The following OR1L6 variants were observed in gnomAD, a reference collection of about 807,000 sequenced individuals.
The protein encoded by OR1L6 is olfactory receptor 1L6.
In OR1L6, 2 loss-of-function variants were observed where a neutral mutation model predicts 3.0. The observed-to-expected ratio is 0.68, with a 90% CI of 0.28 to 2.13. The LOEUF (loss-of-function observed/expected upper bound fraction) is 2.13, where lower values mean the gene tolerates loss of function less well. OR1L6 is among the 30% of genes most tolerant of loss of function. The pLI, the probability that OR1L6 is intolerant of heterozygous loss-of-function variation, is 0.14. For missense variants in OR1L6, 304 were observed against 378.4 expected, an observed-to-expected ratio of 0.80 and a Z score of 1.63; for synonymous variants, 121 against 148.4, an observed-to-expected ratio of 0.82 and a Z score of 1.34.
At chr9:122,747,742 A>G (rs1828850262) in intron 1 of OR1L6, among the ~76,000 whole-genome samples, 1 of 151,976 alleles carries the variant, frequency 6.6e-6, no homozygotes, top group Non-Finnish European at 1.5e-5. Context: ...ATTTAATTTT[A>G]TCTGGTTAGT....
rs773521877 is a variant in OR1L6 at position 122,750,435 on chromosome 9, C to T, written c.588C>T (p.Ser196=). 51 of 1,595,884 alleles carry T rather than the reference C, an allele frequency of 3.2e-5. No homozygotes were observed. Among genetic ancestry groups the T allele is most frequent in the Non-Finnish European group, 4.3e-5 (50 of 1,168,552 alleles). Residue 196 remains serine, a synonymous_variant, in exon 2 of 2, where the codon AGC becomes AGT. Coordinates refer to ENST00000304720, the MANE Select transcript of OR1L6 (RefSeq NM_001004453.3). Reference sequence around the variant, plus strand: ...TCTCCTGCTCTGACACATCCTCCAGCCAGATGGTGGTGATGACTGAGACCT... The same window carrying T: ...TCTCCTGCTCTGACACATCCTCCAGTCAGATGGTGGTGATGACTGAGACCT... The part of the protein sequence containing the change: ...LKLSCSDTSS[S]QMVVMTETLA...
chr9:122,747,102 T>G (rs1056450544), intron 1 of OR1L6, among the ~76,000 whole-genome samples: 1 of 152,146 alleles, frequency 6.6e-6, no homozygotes, highest in African/African-American at 2.4e-5. Flanking sequence ...TTTCTATGTG[T>G]GGGTTAGATA....
intron 1 of OR1L6, among the ~76,000 whole-genome samples, chr9:122,747,455 T>C (rs1189702538): frequency 2.0e-5 from 3 of 152,050 alleles, no homozygotes; most frequent in African/African-American, 7.2e-5. Flanking sequence ...TTAGAAAAAC[T>C]TTCACAAGTT....
At chr9:122,744,280 A>G (rs949762470) in intron 1 of OR1L6, among the ~76,000 whole-genome samples, 15 of 152,106 alleles carry the variant, frequency 9.9e-5, no homozygotes, top group African/African-American at 3.6e-4. Flanking sequence ...CAGCATCCCA[A>G]TTTGGGAAGT....
chr9:122,745,778 AC>A (rs1456894531), intron 1 of OR1L6, among the ~76,000 whole-genome samples: 1 of 152,142 alleles, frequency 6.6e-6, no homozygotes, highest in Non-Finnish European at 1.5e-5. Flanking sequence ...TCAGAAGGTA[AC>A]CACATTACAC....
intron 1 of OR1L6, among the ~76,000 whole-genome samples, chr9:122,749,456 C>T (rs1435205198): frequency 2.6e-5 from 4 of 152,148 alleles, no homozygotes; most frequent in Non-Finnish European, 4.4e-5. Flanking sequence ...TAACTGTTCC[C>T]TTGTTGGATT....
In OR1L6 at chr9:122,750,493, A is replaced by G. The variant is rs756796917; in HGVS notation, c.646A>G (p.Ile216Val). The change falls in exon 2 of 2, where the codon ATC (isoleucine) becomes GTC (valine). Residue 216 changes from isoleucine (I) to valine (V), a missense_variant. Around this residue, in one of 3 missense-constraint regions of OR1L6, gnomAD observed 21 missense variants for 47.9 expected, o/e 0.44. Transcript: ENST00000304720. ...AVIVTPFLCI[I>V]FSYLRIMVTV... ...CATTGTGACCCCCTTCCTGTGTATC[A>G]TCTTCTCCTACCTGCGAATCATGGT... The G allele has an allele frequency of 1.1e-6, 1 of 890,236 alleles. No individual in the cohort carries two copies. The highest frequency in any genetic ancestry group is 2.5e-5 in the East Asian group (1 of 40,442). The allele number at this position is 890,236 out of a possible 1,614,324, so 55.1% of individuals were successfully genotyped here.
At chr9:122,746,015 C>T (rs1828833393) in intron 1 of OR1L6, among the ~76,000 whole-genome samples, 1 of 152,142 alleles carries the variant, frequency 6.6e-6, no homozygotes, top group African/African-American at 2.4e-5. Context: ...AATGCTCTCC[C>T]TCCCCTTGCC....
chr9:122,748,742 T>C (rs574097881), intron 1 of OR1L6, among the ~76,000 whole-genome samples: 3 of 152,338 alleles, frequency 2.0e-5, no homozygotes, highest in African/African-American at 7.2e-5. Context: ...AATGATCCTA[T>C]GTATATATTT....
Position 122,750,703 on chromosome 9 carries a change from C to T in OR1L6, c.856C>T (p.Leu286=). 1 of 1,613,734 alleles carries T rather than the reference C, an allele frequency of 6.2e-7. No individual in the cohort carries two copies. The highest frequency in any genetic ancestry group is 1.1e-5 in the South Asian group (1 of 91,064). The part of the protein sequence containing the change: ...TVMYTVVTPM[L]NPFIYSLRNK... ...TATGTACACAGTAGTGACACCCATG[C>T]TGAACCCTTTCATCTACAGCCTGAG... The change falls in exon 2 of 2, where the codon CTG becomes TTG. Residue 286 remains leucine, a synonymous_variant. Coordinates refer to ENST00000304720, the MANE Select transcript of OR1L6 (RefSeq NM_001004453.3).
intron 1 of OR1L6, among the ~76,000 whole-genome samples, chr9:122,743,352 G>C (rs1295938351): frequency 6.6e-6 from 1 of 152,178 alleles, no homozygotes; most frequent in Non-Finnish European, 1.5e-5. Context: ...ACAGTGCCCA[G>C]AAGAACTTTC....
chr9:122,743,604 A>G (rs1828808927), intron 1 of OR1L6, among the ~76,000 whole-genome samples: 1 of 152,196 alleles, frequency 6.6e-6, no homozygotes, highest in African/African-American at 2.4e-5. Context: ...GTAAGCAAGA[A>G]GAGGCTGGAA....
At chr9:122,749,770 A>T in intron 1 of OR1L6, 65 bp from the exon 2 acceptor site, 1 of 1,415,798 alleles carries the variant, frequency 7.1e-7, no homozygotes, top group Non-Finnish European at 1.0e-6. Context: ...TAAGCTTATG[A>T]AAGAAGCTGT....
Position 122,746,914 on chromosome 9 carries a change from G to A in OR1L6, c.-13-2921G>A, listed in dbSNP as rs1011010792. Among the ~76,000 whole-genome samples the A allele has an allele frequency of 2.6e-5, 4 of 151,986 alleles. No homozygotes were observed. In the South Asian group the frequency reaches 6.2e-4, roughly 24 times the overall value. On this transcript the variant is annotated intron_variant, in intron 1 of 1. Transcript: ENST00000304720. ...TTTAGCTTTGCCTATGATCTCTTTTGGTATAATTTTCAAATTTTTAAGTGG... is the reference window on the plus strand; with the variant it reads ...TTTAGCTTTGCCTATGATCTCTTTTAGTATAATTTTCAAATTTTTAAGTGG...
Position 122,750,128 on chromosome 9 carries a change from C to T in OR1L6, c.281C>T (p.Ser94Phe), listed in dbSNP as rs749316620. 1.4e-5 allele frequency: 22 copies of T among 1,613,648 alleles called. 1 individual carries two copies. The highest frequency in any genetic ancestry group is 1.6e-5 in the Non-Finnish European group (19 of 1,179,652). Residue 94 changes from serine to phenylalanine, a missense_variant, in exon 2 of 2, where the codon TCC becomes TTC. Physicochemically the swap from Ser to Phe is radical, Grantham distance 155. Transcript: ENST00000304720. ...VNFLSETKVI[S>F]YVGCLAQMYF... ...TTTCTATCAGAGACAAAGGTTATCTCCTATGTGGGCTGCCTGGCCCAGATG... is the reference window on the plus strand; with the variant it reads ...TTTCTATCAGAGACAAAGGTTATCTTCTATGTGGGCTGCCTGGCCCAGATG...
chr9:122,748,510 A>G (rs919944149), intron 1 of OR1L6, among the ~76,000 whole-genome samples: 7 of 152,212 alleles, frequency 4.6e-5, no homozygotes, highest in African/African-American at 1.7e-4. Flanking sequence ...AGTTCCGAAG[A>G]ACACATGGAA....
intron 1 of OR1L6, among the ~76,000 whole-genome samples, chr9:122,748,575 C>T (rs1057479562): frequency 2.0e-5 from 3 of 152,158 alleles, no homozygotes; most frequent in African/African-American, 7.2e-5. Flanking sequence ...AGTTTTGTTA[C>T]ATGAATACAT....
Position 122,750,131 on chromosome 9 carries a change from A to C in OR1L6, c.284A>C (p.Tyr95Ser), listed in dbSNP as rs1168325346. ...CTATCAGAGACAAAGGTTATCTCCT[A>C]TGTGGGCTGCCTGGCCCAGATGTAC... is the stretch of plus-strand genomic sequence containing the variant. ...NFLSETKVIS[Y>S]VGCLAQMYFF... Residue 95 changes from tyrosine (Y) to serine (S), a missense_variant, in exon 2 of 2, where the codon TAT becomes TCT. Around this residue, in one of 3 missense-constraint regions of OR1L6, gnomAD observed 192 missense variants for 242.7 expected, o/e 0.79. Transcript: ENST00000304720. 2 of 1,613,406 alleles carry C rather than the reference A, an allele frequency of 1.2e-6. No individual in the cohort carries two copies. The highest frequency in any genetic ancestry group is 2.7e-5 in the African/African-American group (2 of 74,896).
intron 1 of OR1L6, among the ~76,000 whole-genome samples, chr9:122,743,312 A>T (rs528166334): frequency 6.6e-6 from 1 of 152,328 alleles, no homozygotes; most frequent in Non-Finnish European, 1.5e-5. Flanking sequence ...AGCTGGATGA[A>T]CTGGGTTCAA....
Sources: gnomAD v4.1 joint callset for allele counts (sites outside exome capture counted in the v4.1 genomes callset) on GRCh38, gnomAD v4.1.1 for gene constraint, gnomAD v4.1.1 regional missense constraint, MANE v1.5 for transcripts, NCBI Gene and HGNC (gene_info 2026-07-23, HGNC 2026-07-21) for gene names.